FKTN: variants seen among roughly 807,000 people sequenced by gnomAD.
FKTN encodes fukutin, also known as ribitol-5-phosphate transferase FKTN.
Under a neutral mutation model 58.6 loss-of-function variants are expected in FKTN, and 47 were observed. That is an observed-to-expected ratio of 0.80 (90% CI 0.63 to 1.02). The LOEUF (loss-of-function observed/expected upper bound fraction) is 1.02. Ranked by LOEUF, FKTN falls within the 50% of genes least tolerant of loss-of-function variation. FKTN has a pLI of 0.00. For missense variants in FKTN, 516 were observed against 537.3 expected, an observed-to-expected ratio of 0.96 and a Z score of 0.39; for synonymous variants, 178 against 191.9, an observed-to-expected ratio of 0.93 and a Z score of 0.60.
intron 10 of FKTN, among the ~76,000 whole-genome samples, chr9:105,627,001 A>T: frequency 1.5e-5 from 2 of 135,036 alleles, no homozygotes. Flanking sequence ...TTTTTTTGAG[A>T]CAGAGTTGTC....
In FKTN at chr9:105,596,633, A is replaced by G; in HGVS notation, c.141A>G (p.Arg47=). The G allele has an allele frequency of 6.2e-7, 1 of 1,612,798 alleles. No homozygotes were observed. The highest frequency in any genetic ancestry group is 8.5e-7 in the Non-Finnish European group (1 of 1,179,016). ...GTTTGTCAAAATCCAAAGGAAGCCGAATTGGATTTGATAGCACACAGTGGG... is the reference window on the plus strand; with the variant it reads ...GTTTGTCAAAATCCAAAGGAAGCCGGATTGGATTTGATAGCACACAGTGGG... ...GAGLSKSKGS[R]IGFDSTQWRA... is the part of the protein sequence containing the mutation. Residue 47 remains arginine, a synonymous_variant, in exon 4 of 11, where the codon CGA becomes CGG. Transcript: ENST00000357998.
At chr9:105,607,090 TGTGA>T (rs1215427898) in intron 6 of FKTN, among the ~76,000 whole-genome samples, 1 of 152,018 alleles carries the variant, frequency 6.6e-6, no homozygotes, top group East Asian at 1.9e-4. Context: ...AGTTCAAAAT[TGTGA>T]GTTACTTATT....
intron 10 of FKTN, among the ~76,000 whole-genome samples, chr9:105,632,765 GA>G (rs1241147771): frequency 6.6e-6 from 1 of 152,154 alleles, no homozygotes; most frequent in Non-Finnish European, 1.5e-5. Flanking sequence ...TGGATGGAAG[GA>G]TTTTTTTGTG....
intron 7 of FKTN, 123 bp downstream of exon 7, chr9:105,608,074 T>C: frequency 2.6e-6 from 2 of 784,006 alleles, no homozygotes; most frequent in Non-Finnish European, 4.2e-6. Context: ...TTTTTTGATA[T>C]GTCTCTTTTC....
chr9:105,631,218 T>C (rs1833397071), intron 10 of FKTN, among the ~76,000 whole-genome samples: 1 of 152,170 alleles, frequency 6.6e-6, no homozygotes. Flanking sequence ...TGTTTAATGA[T>C]AAAACTTTAG....
chr9:105,613,842 A>C (rs980266012), intron 7 of FKTN, among the ~76,000 whole-genome samples: 1 of 152,256 alleles, frequency 6.6e-6, no homozygotes, highest in Non-Finnish European at 1.5e-5. Context: ...TTGAATAGAA[A>C]CACTTCCTGA....
intron 10 of FKTN, chr9:105,633,371 A>G (rs1833710459): frequency 6.6e-6 from 1 of 152,174 alleles, no homozygotes; most frequent in South Asian, 2.1e-4. Context: ...TGATGAGACC[A>G]CAAAGGATAA....
At chr9:105,560,497 C>G (rs1838089469) in intron 1 of FKTN, among the ~76,000 whole-genome samples, 1 of 152,104 alleles carries the variant, frequency 6.6e-6, no homozygotes, top group Non-Finnish European at 1.5e-5. Flanking sequence ...AATTTTACTT[C>G]TTATGAAAAT....
At position 105,602,382 on chromosome 9, in the gene FKTN, G is replaced by C. The variant is rs571972615; in HGVS notation, c.369+1034G>C. On this transcript the variant is annotated intron_variant, in intron 5 of 10. Coordinates refer to ENST00000357998, the MANE Select transcript of FKTN (RefSeq NM_001079802.2). ...ATTTCTGAAGTATCTGTTGGGTACA[G>C]TCCCACTTGCCTTGAGAACCACTAT... Among the ~76,000 whole-genome samples, 83 of 152,346 alleles carry C rather than the reference G, an allele frequency of 5.4e-4. 1 individual carries two copies. Among genetic ancestry groups the C allele is most frequent in the Non-Finnish European group, 9.8e-4 (67 of 68,038 alleles).
chr9:105,583,958 A>C (rs1197336268), intron 3 of FKTN, among the ~76,000 whole-genome samples: 1 of 152,212 alleles, frequency 6.6e-6, no homozygotes, highest in African/African-American at 2.4e-5. Context: ...TCTTAATTAT[A>C]TATTAAATTC....
At chr9:105,567,905 C>G (rs1163803295) in intron 1 of FKTN, among the ~76,000 whole-genome samples, 1 of 152,156 alleles carries the variant, frequency 6.6e-6, no homozygotes, top group Admixed American at 6.5e-5. Context: ...TACAAGGCTA[C>G]AGTAACCAAA....
In FKTN at chr9:105,637,900, C is replaced by T. The variant is rs1834152704; in HGVS notation, c.*2636C>T. ...CCATAGTTCCTAAAATTGAGCATCC[C>T]TAAGAGTAGCTGCTTGGTGGGACAG... On this transcript the variant is annotated 3_prime_UTR_variant, in exon 11 of 11. Coordinates refer to ENST00000357998, the MANE Select transcript of FKTN (RefSeq NM_001079802.2). 1 of 985,292 alleles carries T rather than the reference C, an allele frequency of 1.0e-6. No individual in the cohort carries two copies. Among genetic ancestry groups the T allele is most frequent in the Non-Finnish European group, 1.2e-6 (1 of 829,874 alleles). The allele number at this position is 985,292 out of a possible 1,614,324, so 61.0% of individuals were successfully genotyped here.
chr9:105,576,139 A>ACTTTT (rs950969975), intron 3 of FKTN, among the ~76,000 whole-genome samples: 1 of 143,680 alleles, frequency 7.0e-6, no homozygotes, highest in Non-Finnish European at 1.5e-5. Flanking sequence ...GAAAACTGAA[A>ACTTTT]CTTTTCTTTT....
At chr9:105,604,811 C>G (rs1036559319) in intron 6 of FKTN, among the ~76,000 whole-genome samples, 2 of 151,900 alleles carry the variant, frequency 1.3e-5, no homozygotes, top group East Asian at 3.9e-4. Flanking sequence ...CAAAAATTAT[C>G]CATGCATTGT....
intron 1 of FKTN, among the ~76,000 whole-genome samples, chr9:105,568,361 C>G (rs1305525290): frequency 6.6e-6 from 1 of 152,160 alleles, no homozygotes; most frequent in Non-Finnish European, 1.5e-5. Flanking sequence ...AGGCAACCTA[C>G]AGAATGGGAG....
At chr9:105,602,619 A>G (rs561899934) in intron 5 of FKTN, among the ~76,000 whole-genome samples, 11 of 152,294 alleles carry the variant, frequency 7.2e-5, no homozygotes, top group Non-Finnish European at 1.3e-4. Context: ...GCAGTGGTGC[A>G]ATCTCTGTTC....
In FKTN at chr9:105,575,098, G is replaced by A. The variant is rs762170532; in HGVS notation, c.66G>A (p.Leu22=). The A allele has an allele frequency of 1.2e-6, 2 of 1,610,678 alleles. No individual in the cohort carries two copies. The highest frequency in any genetic ancestry group is 1.3e-5 in the African/African-American group (1 of 74,816). ...LLTLTSSAFL[L]FQLYYYKHYL... is the part of the protein sequence containing the mutation. ...CGCTGACAAGTTCTGCATTTCTGCT[G>A]TTTCAGTTGTACTACTACAAGCACT... The change falls in exon 3 of 11, where the codon CTG becomes CTA. Residue 22 remains leucine, a synonymous_variant. Coordinates refer to ENST00000357998, the MANE Select transcript of FKTN (RefSeq NM_001079802.2).
At chr9:105,614,996 G>A (rs2133090855) in intron 7 of FKTN, among the ~76,000 whole-genome samples, 1 of 150,610 alleles carries the variant, frequency 6.6e-6, no homozygotes, top group Non-Finnish European at 1.5e-5. Flanking sequence ...TGATTCTCTT[G>A]CCTCAACCTC....
In FKTN at chr9:105,603,297, G is replaced by C. The variant is rs144148023; in HGVS notation, c.370-918G>C. On this transcript the variant is annotated intron_variant, in intron 5 of 10. Coordinates refer to ENST00000357998, the MANE Select transcript of FKTN (RefSeq NM_001079802.2). ...TCTGAATTGGCTACCCTCCCCCTCA[G>C]TCAGTGCTTTCTACTTCTAAGGTGT... Among the ~76,000 whole-genome samples, 612 of 152,238 alleles carry C rather than the reference G, an allele frequency of 4.0e-3. 6 individuals carry two copies. Among genetic ancestry groups the C allele is most frequent in the African/African-American group, 0.014 (579 of 41,534 alleles).
Sources: allele counts gnomAD v4.1 joint callset (sites outside exome capture counted in the v4.1 genomes callset), GRCh38; gene constraint gnomAD v4.1.1; transcripts MANE v1.5; gene names NCBI Gene and HGNC (gene_info 2026-07-23, HGNC 2026-07-21).